The following TTN variants were observed in gnomAD, a reference collection of about 807,000 sequenced individuals.
TTN encodes connectin.
In TTN, 1,525 loss-of-function variants were observed where a neutral mutation model predicts 3,223.0. That is an observed-to-expected ratio of 0.47 (90% CI 0.45 to 0.49). The LOEUF (loss-of-function observed/expected upper bound fraction) is 0.49. Among genes scored for constraint, TTN ranks in the 20% least tolerant of loss-of-function variants. The pLI, the probability that TTN is intolerant of heterozygous loss-of-function variation, is 0.00. For missense variants in TTN, 40,786 were observed against 43,424.0 expected, an observed-to-expected ratio of 0.94 and a Z score of 5.40; for synonymous variants, 14,094 against 15,161.0, an observed-to-expected ratio of 0.93 and a Z score of 5.17.
intron 47 of TTN, 68 bp downstream of exon 47, chr2:178,753,056 A>G: frequency 7.7e-7 from 1 of 1,306,194 alleles, no homozygotes; most frequent in Non-Finnish European, 1.1e-6. Flanking sequence ...AAGAGAAAGA[A>G]GGCAACTCAA....
rs2058720974 is a variant in TTN, at chr2:178,624,350, G to C, written c.44815+115C>G. On this transcript the variant is annotated intron_variant, in intron 242 of 362. Coordinates refer to ENST00000589042, the MANE Select transcript of TTN (RefSeq NM_001267550.2). ...GGTTAGGTCAGTGTCAATACTAGAAGTTGCCAAGAAATGCAGTTAGGCCAA... is the reference window on the plus strand; with the variant it reads ...GGTTAGGTCAGTGTCAATACTAGAACTTGCCAAGAAATGCAGTTAGGCCAA... 3.0e-6 allele frequency: 4 copies of C among 1,336,720 alleles called. No individual in the cohort carries two copies. In the Admixed American group the frequency reaches 7.8e-5, roughly 26 times the overall value. 82.8% of individuals were successfully genotyped at this position (1,336,720 alleles called of 1,614,324 possible). A position where few individuals can be genotyped will look rare whatever the true frequency, so the allele number is the denominator to read the frequency against.
chr2:178,527,178 AT>A lies in TTN; in HGVS notation c.107809del (p.Ile35937SerfsTer17). 6.2e-7 allele frequency: 1 copy of A among 1,613,862 alleles called. No individual in the cohort carries two copies. Among genetic ancestry groups the A allele is most frequent in the Non-Finnish European group, 8.5e-7 (1 of 1,179,854 alleles). ...GAACCTCCCCTGTTCTTGACTGTGGATTTTTCTTCCACCACAGGACCATGTT... is the reference window on the plus strand; with the variant it reads ...GAACCTCCCCTGTTCTTGACTGTGGATTTTCTTCCACCACAGGACCATGTT... ...EVTWSCGGRK[I>X]HSQEQGRFHI... On this transcript the variant is annotated frameshift_variant, in exon 363 of 363. Transcript: ENST00000589042. LOFTEE classifies it high-confidence loss of function.
chr2:178,733,205 T>C (rs746503678), intron 54 of TTN, 34 bp downstream of exon 54: 1 of 1,559,724 alleles, frequency 6.4e-7, no homozygotes. Flanking sequence ...GGGTTTCAAA[T>C]GCATATGTAG....
rs775918922 is a variant in TTN, at chr2:178,566,388, T to G, written c.79744A>C (p.Lys26582Gln). ...GEATSVPGTV[K>Q]PEDKLEAPEL... Reference sequence around the variant, plus strand: ...GGTGCTTCAAGTTTATCTTCTGGTTTCACAGTACCAGGAACTGATGTAGCC... The same window carrying G: ...GGTGCTTCAAGTTTATCTTCTGGTTGCACAGTACCAGGAACTGATGTAGCC... The change falls in exon 326 of 363, where the codon AAA becomes CAA. Residue 26582 changes from lysine (K) to glutamine (Q), a missense_variant. By Grantham distance (53) the Lys-to-Gln change is moderately conservative. Transcript: ENST00000589042. 2.5e-6 allele frequency: 4 copies of G among 1,613,504 alleles called. No homozygotes were observed. The Admixed American group carries it at 6.7e-5, about 27-fold the overall frequency.
rs747066203 is a variant in TTN, at chr2:178,593,746, C to G, written c.58554G>C (p.Glu19518Asp). ...AGACGTCTTTACCCACTTCCTTCTT[C>G]TCAATAATATAATTGGTGATTTTAC... is the stretch of plus-strand genomic sequence containing the variant. ...GGSKITNYII[E>D]KKEVGKDVWM... Residue 19518 changes from glutamate (E) to aspartate (D), a missense_variant, in exon 298 of 363, where the codon GAG (glutamate) becomes GAC (aspartate). Physicochemically the swap from Glu to Asp is conservative, Grantham distance 45. Coordinates refer to ENST00000589042, the MANE Select transcript of TTN (RefSeq NM_001267550.2). 1 of 1,613,294 alleles carries G rather than the reference C, an allele frequency of 6.2e-7. No homozygotes were observed. Among genetic ancestry groups the G allele is most frequent in the East Asian group, 2.2e-5 (1 of 44,698 alleles).
chr2:178,580,147 A>C lies in TTN; in HGVS notation c.67140T>G (p.Ile22380Met). 1 of 1,613,350 alleles carries C rather than the reference A, an allele frequency of 6.2e-7. No individual in the cohort carries two copies. Among genetic ancestry groups the C allele is most frequent in the Non-Finnish European group, 8.5e-7 (1 of 1,179,506 alleles). Residue 22380 changes from isoleucine to methionine, a missense_variant, in exon 318 of 363, where the codon ATT becomes ATG. Physicochemically the swap from Ile to Met is conservative, Grantham distance 10 (BLOSUM62 1). Transcript: ENST00000589042. ...AGTTTATGATGGGGCTTCCGCCATC[A>C]ATAATGGGAGGCTCCCAGGTAACAT... Reference protein sequence around the residue: ...SAYVTWEPPIIDGGSPIINYV... With the variant: ...SAYVTWEPPIMDGGSPIINYV...
chr2:178,743,469 G>A (rs377618508), intron 47 of TTN, among the ~76,000 whole-genome samples: 5 of 151,736 alleles, frequency 3.3e-5, no homozygotes, highest in East Asian at 1.9e-4. Flanking sequence ...GTTATTCTGC[G>A]TATACTCAAG....
At position 178,540,234 on chromosome 2, in the gene TTN, T is replaced by G. The variant is rs773841779; in HGVS notation, c.97932A>C (p.Gln32644His). Residue 32644 changes from glutamine (Q) to histidine (H), a missense_variant, in exon 351 of 363, where the codon CAA becomes CAC. Gln to His is a conservative substitution (Grantham distance 24). Transcript: ENST00000589042. ...GYLIEMQKVD[Q>H]HEWTKCNTTP... ...TGGTGTTACACTTGGTCCATTCATGTTGATCTACTTTTTGCATTTCAATCA... is the reference window on the plus strand; with the variant it reads ...TGGTGTTACACTTGGTCCATTCATGGTGATCTACTTTTTGCATTTCAATCA... 5 of 1,613,788 alleles carry G rather than the reference T, an allele frequency of 3.1e-6. No individual in the cohort carries two copies. The East Asian group carries it at 1.1e-4, about 36-fold the overall frequency.
At position 178,530,772 on chromosome 2, in the gene TTN, T is replaced by A. The variant is rs876657619; in HGVS notation, c.105843A>T (p.Pro35281=). ...GAGTAATCTTTGGTGGGGCAGAGAC[T>A]GGGAGGTGCTGAACTTTCTCTGTTG... The part of the protein sequence containing the change: ...PTPTEKVQHL[P]VSAPPKITQF... The change falls in exon 358 of 363, where the codon CCA becomes CCT. Residue 35281 remains proline (P), a synonymous_variant. Transcript: ENST00000589042. 2 of 1,613,932 alleles carry A rather than the reference T, an allele frequency of 1.2e-6. No homozygotes were observed. Among genetic ancestry groups the A allele is most frequent in the Non-Finnish European group, 1.7e-6 (2 of 1,179,866 alleles).
In TTN at chr2:178,614,929, G is replaced by A; in HGVS notation, c.48678C>T (p.Ala16226=). 1 of 1,594,720 alleles carries A rather than the reference G, an allele frequency of 6.3e-7. No individual in the cohort carries two copies. Among genetic ancestry groups the A allele is most frequent in the Non-Finnish European group, 8.5e-7 (1 of 1,169,606 alleles). ...VTGLEEGKWY[A]YRVKALNRQG... Reference sequence around the variant, plus strand: ...GCCTGTTTAAGGCCTTCACGCGGTAGGCATACCATTTGCCTTCCTCAAGAC... The same window carrying A: ...GCCTGTTTAAGGCCTTCACGCGGTAAGCATACCATTTGCCTTCCTCAAGAC... The change falls in exon 260 of 363, where the codon GCC becomes GCT. Residue 16226 remains alanine, a synonymous_variant. Coordinates refer to ENST00000589042, the MANE Select transcript of TTN (RefSeq NM_001267550.2).
chr2:178,625,237 C>T (rs2058853597), intron 241 of TTN, 36 bp downstream of exon 241: 7 of 1,598,246 alleles, frequency 4.4e-6, no homozygotes, highest in African/African-American at 2.7e-5. Flanking sequence ...TGAGCCTCTG[C>T]CTTATACATG....
Position 178,768,630 on chromosome 2 carries a change from G to A in TTN, c.9163+43C>T, listed in dbSNP as rs771104458. The A allele has an allele frequency of 5.0e-6, 8 of 1,613,236 alleles. No individual in the cohort carries two copies. The South Asian group carries it at 8.8e-5, about 18-fold the overall frequency. ...TGATACACTAAATTTTATAAAGCAT[G>A]TATGACATTTTTTCTATGGATCTAA... On this transcript the variant is annotated intron_variant, in intron 38 of 362. Transcript: ENST00000589042.
intron 157 of TTN, 91 bp from the exon 158 acceptor site, chr2:178,669,766 C>T (rs946062095): frequency 3.2e-5 from 39 of 1,217,890 alleles, no homozygotes; most frequent in East Asian, 1.6e-4. Flanking sequence ...ACAAGATGAA[C>T]GCCAAAAACC....
Position 178,535,560 on chromosome 2 carries a change from A to G in TTN, c.101055T>C (p.Asp33685=), listed in dbSNP as rs372788551. 40 of 1,613,786 alleles carry G rather than the reference A, an allele frequency of 2.5e-5. No individual in the cohort carries two copies. The African/African-American group carries it at 4.7e-4, about 19-fold the overall frequency. ...TGGGTGGGTCAGGAACATCAGCCAC[A>G]TCCAGTTCAACTGTCTTCTGATCAA... is the stretch of plus-strand genomic sequence containing the variant. ...FGIDQKTVEL[D]VADVPDPPRG... is the part of the protein sequence containing the mutation. The change falls in exon 358 of 363, where the codon GAT becomes GAC. Residue 33685 remains aspartate (D), a synonymous_variant. Coordinates refer to ENST00000589042, the MANE Select transcript of TTN (RefSeq NM_001267550.2).
At chr2:178,542,196 A>G (rs1694909521) in intron 349 of TTN, 68 bp downstream of exon 349, 5 of 1,467,108 alleles carry the variant, frequency 3.4e-6, no homozygotes, top group South Asian at 2.7e-5. Flanking sequence ...CATATTAAAA[A>G]CAAATTCTTT....
chr2:178,528,477 A>C (rs756210741), intron 360 of TTN, 50 bp from the exon 361 acceptor site: 1 of 1,601,360 alleles, frequency 6.2e-7, no homozygotes. Context: ...CAGATGTGGA[A>C]GACATGGTAT....
At chr2:178,799,370 G>A in intron 6 of TTN, 117 bp downstream of exon 6, 7 of 1,518,020 alleles carry the variant, frequency 4.6e-6, no homozygotes, top group Non-Finnish European at 6.3e-6. Context: ...GCGGGACACT[G>A]AAGAAGCGAA....
In TTN at chr2:178,775,029, C is replaced by A; in HGVS notation, c.6682G>T (p.Val2228Phe). ...DKYRMHSDRK[V>F]HFLSILTIDT... ...ATGGTCAGTATGGAGAGGAAGTGAA[C>A]CTTTCTGTCAGAGTGCATCCTGTAT... Residue 2228 changes from valine to phenylalanine, a missense_variant, in exon 29 of 363, where the codon GTT becomes TTT. Transcript: ENST00000589042. 6.2e-7 allele frequency: 1 copy of A among 1,613,968 alleles called. No individual in the cohort carries two copies.
intron 38 of TTN, 68 bp downstream of exon 38, chr2:178,768,605 T>C: frequency 6.2e-7 from 1 of 1,604,342 alleles, no homozygotes; most frequent in Non-Finnish European, 8.5e-7. Context: ...ATTCATTAAT[T>C]GATACACTAA....
Sources: gnomAD v4.1 joint callset for allele counts (sites outside exome capture counted in the v4.1 genomes callset) on GRCh38, gnomAD v4.1.1 for gene constraint, MANE v1.5 for transcripts, NCBI Gene and HGNC (gene_info 2026-07-23, HGNC 2026-07-21) for gene names.